PPFIBP1: variants seen among roughly 807,000 people sequenced by gnomAD.
The protein encoded by PPFIBP1 is PPFIB scaffold protein 1.
Under a neutral mutation model 137.8 loss-of-function variants are expected in PPFIBP1, and 112 were observed. That is an observed-to-expected ratio of 0.81 (90% CI 0.70 to 0.95). The LOEUF is 0.95. Ranked by LOEUF, PPFIBP1 falls within the 40% of genes least tolerant of loss-of-function variation. PPFIBP1 has a pLI of 0.00. For missense variants in PPFIBP1, 1,083 were observed against 1,196.6 expected (o/e 0.91, Z 1.40); for synonymous variants, 378 against 417.3 (o/e 0.91, Z 1.15).
Position 27,551,061 on chromosome 12 carries a change from G to A in PPFIBP1, c.-124+26696G>A, listed in dbSNP as rs531015877. On this transcript the variant is annotated intron_variant, in intron 1 of 29. Coordinates refer to ENST00000228425, the MANE Select transcript of PPFIBP1 (RefSeq NM_003622.4). ...ATTCCCATCTTCTAAAGAGAAAACTGAAACAAAGATTAGTTATGTGACCTT... is the reference window on the plus strand; with the variant it reads ...ATTCCCATCTTCTAAAGAGAAAACTAAAACAAAGATTAGTTATGTGACCTT... Among the ~76,000 whole-genome samples, 8 of 151,168 alleles carry A rather than the reference G, an allele frequency of 5.3e-5. No homozygotes were observed. In the South Asian group the frequency reaches 1.3e-3, roughly 24 times the overall value.
At chr12:27,649,766 G>T (rs1277338659) in intron 6 of PPFIBP1, among the ~76,000 whole-genome samples, 1 of 152,088 alleles carries the variant, frequency 6.6e-6, no homozygotes, top group East Asian at 1.9e-4. Flanking sequence ...GTCCAGGCTG[G>T]TTCTCAAATT....
In PPFIBP1 at chr12:27,570,606, A is replaced by G. The variant is rs1321803689; in HGVS notation, c.-123-7546A>G. Among the ~76,000 whole-genome samples, 3 of 152,194 alleles carry G rather than the reference A, an allele frequency of 2.0e-5. No homozygotes were observed. In the East Asian group the frequency reaches 5.8e-4, roughly 29 times the overall value. ...TGTCAACATGTTGTCATATGATAGC[A>G]TACCTCAGAGGGAGACACAAGACCC... On this transcript the variant is annotated intron_variant, in intron 1 of 29. Transcript: ENST00000228425.
rs2056001526 is a variant in PPFIBP1 at position 27,618,431 on chromosome 12, G to A, written c.-35-14931G>A. Reference sequence around the variant, plus strand: ...AAACATTGACAATCTATTCTCTGAAGCTTCCTACCTGGAGGCTTTATCTGC... The same window carrying A: ...AAACATTGACAATCTATTCTCTGAAACTTCCTACCTGGAGGCTTTATCTGC... On this transcript the variant is annotated intron_variant, in intron 2 of 29. Coordinates refer to ENST00000228425, the MANE Select transcript of PPFIBP1 (RefSeq NM_003622.4). Among the ~76,000 whole-genome samples the A allele has an allele frequency of 2.0e-5, 3 of 152,174 alleles. No individual in the cohort carries two copies. The South Asian group carries it at 6.2e-4, about 31-fold the overall frequency.
chr12:27,660,268 A>G (rs1026505021), intron 10 of PPFIBP1, among the ~76,000 whole-genome samples: 2 of 152,202 alleles, frequency 1.3e-5, no homozygotes, highest in Admixed American at 1.3e-4. Context: ...TGAATATCAA[A>G]TTTTAAGGAG....
At chr12:27,555,065 A>G (rs1014706601) in intron 1 of PPFIBP1, among the ~76,000 whole-genome samples, 1 of 152,108 alleles carries the variant, frequency 6.6e-6, no homozygotes, top group African/African-American at 2.4e-5. Flanking sequence ...TTGTTCGTTC[A>G]TGGAAGGCAG....
intron 1 of PPFIBP1, among the ~76,000 whole-genome samples, chr12:27,534,951 A>G (rs1043545141): frequency 2.0e-5 from 3 of 152,346 alleles, no homozygotes; most frequent in Non-Finnish European, 4.4e-5. Context: ...GAAGAATGCA[A>G]TGATTAAGAA....
chr12:27,527,721 G>A (rs771403247), intron 1 of PPFIBP1, among the ~76,000 whole-genome samples: 41 of 151,794 alleles, frequency 2.7e-4, no homozygotes, highest in African/African-American at 9.7e-4. Flanking sequence ...GCGTAATGAC[G>A]TTTTTATTTT....
rs72418237 is a variant in PPFIBP1, at chr12:27,674,811, A to ATTTTTTTTTTTTTTTTTTTTTTTTTT, written c.1410+611_1410+612insTTTTTTTTTTTTTTTTTTTTTTTTTT. ...ATGTGCTCAATTCTTCTTTCCCCTG[A>ATTTTTTTTTTTTTTTTTTTTTTTTTT]TTTTTTTTTTTTTTTTTTTTTGAAA... On this transcript the variant is annotated intron_variant, in intron 17 of 29. Transcript: ENST00000228425. Among the ~76,000 whole-genome samples the ATTTTTTTTTTTTTTTTTTTTTTTTTT allele has an allele frequency of 3.7e-5, 4 of 108,706 alleles. 1 individual carries two copies. The highest frequency in any genetic ancestry group is 3.5e-5 in the Non-Finnish European group (2 of 57,066). The allele number at this position is 108,706 out of a possible 152,430, so 71.3% of individuals were successfully genotyped here.
chr12:27,645,184 T>G (rs1443712821), intron 4 of PPFIBP1, among the ~76,000 whole-genome samples: 13 of 152,248 alleles, frequency 8.5e-5, no homozygotes, highest in Non-Finnish European at 1.9e-4. Flanking sequence ...TTCTATTGTA[T>G]TTGAATGAAG....
intron 2 of PPFIBP1, among the ~76,000 whole-genome samples, chr12:27,609,802 G>T (rs1319091019): frequency 2.6e-5 from 4 of 152,150 alleles, no homozygotes; most frequent in South Asian, 4.1e-4. Flanking sequence ...AACTAAAGGT[G>T]TTTAAACCCA....
chr12:27,653,848 G>T lies in PPFIBP1; in HGVS notation c.604-874G>T, dbSNP rs139445070. Among the ~76,000 whole-genome samples, 61 of 152,252 alleles carry T rather than the reference G, an allele frequency of 4.0e-4. No homozygotes were observed. In the East Asian group the frequency reaches 0.011, roughly 28 times the overall value. ...AGTAGAAAAGGTGCAGAATTGTGTT[G>T]TGTCATATAAACACTAGGATTGGTT... is the stretch of plus-strand genomic sequence containing the variant. On this transcript the variant is annotated intron_variant, in intron 7 of 29. Coordinates refer to ENST00000228425, the MANE Select transcript of PPFIBP1 (RefSeq NM_003622.4).
chr12:27,614,448 G>A (rs576903129), intron 2 of PPFIBP1, among the ~76,000 whole-genome samples: 4 of 152,126 alleles, frequency 2.6e-5, no homozygotes, highest in East Asian at 3.8e-4. Context: ...ACACATTGAG[G>A]CCTTCAGCAA....
intron 28 of PPFIBP1, among the ~76,000 whole-genome samples, chr12:27,692,345 C>T (rs2061599129): frequency 6.6e-6 from 1 of 152,178 alleles, no homozygotes; most frequent in South Asian, 2.1e-4. Flanking sequence ...GCATATTTCC[C>T]CTCTAATCAA....
At chr12:27,624,015 G>T (rs1468503723) in intron 2 of PPFIBP1, among the ~76,000 whole-genome samples, 1 of 152,118 alleles carries the variant, frequency 6.6e-6, no homozygotes, top group Non-Finnish European at 1.5e-5. Context: ...GTGGCGGTCA[G>T]GCTGGCCTTG....
At chr12:27,625,719 G>T (rs1363866652) in intron 2 of PPFIBP1, among the ~76,000 whole-genome samples, 1 of 151,876 alleles carries the variant, frequency 6.6e-6, no homozygotes, top group Non-Finnish European at 1.5e-5. Context: ...GAGTAGCTGG[G>T]ACTACAGGCA....
At position 27,688,432 on chromosome 12, in the gene PPFIBP1, C is replaced by A; in HGVS notation, c.2496+9C>A. 1 of 1,611,120 alleles carries A rather than the reference C, an allele frequency of 6.2e-7. No individual in the cohort carries two copies. Among genetic ancestry groups the A allele is most frequent in the Non-Finnish European group, 8.5e-7 (1 of 1,179,234 alleles). On this transcript the variant is annotated intron_variant, in intron 26 of 29. Coordinates refer to ENST00000228425, the MANE Select transcript of PPFIBP1 (RefSeq NM_003622.4). ...TCCATGGTGGGCTCATGGTAAAGCTCTGATTTAATTTAAAATTGACTTACT... is the reference window on the plus strand; with the variant it reads ...TCCATGGTGGGCTCATGGTAAAGCTATGATTTAATTTAAAATTGACTTACT...
intron 2 of PPFIBP1, among the ~76,000 whole-genome samples, chr12:27,593,122 A>AAT (rs3084430): frequency 0.27 from 31,896 of 117,126 alleles, 4,186 homozygotes; most frequent in Middle Eastern, 0.32. Flanking sequence ...ACGGAGAAAG[A>AAT]ATGTCTCAAA....
intron 2 of PPFIBP1, among the ~76,000 whole-genome samples, chr12:27,585,093 G>T (rs911521388): frequency 1.3e-5 from 2 of 152,170 alleles, no homozygotes; most frequent in Non-Finnish European, 2.9e-5. Context: ...TGACACAGAG[G>T]TTATGTATCA....
rs1483996020 is a variant in PPFIBP1, at chr12:27,634,812, T to C, written c.65-98T>C. The C allele has an allele frequency of 8.4e-6, 8 of 953,590 alleles. No homozygotes were observed. In the Admixed American group the frequency reaches 1.8e-4, roughly 21 times the overall value. 59.1% of individuals were successfully genotyped at this position (953,590 alleles called of 1,614,324 possible). A position where few individuals can be genotyped will look rare whatever the true frequency, so the allele number is the denominator to read the frequency against. On this transcript the variant is annotated intron_variant, in intron 3 of 29. Coordinates refer to ENST00000228425, the MANE Select transcript of PPFIBP1 (RefSeq NM_003622.4). ...TTCTCTTTTTTCTGTTTCTTTTGAT[T>C]GTTCCTTACTGTGACTAGACTGGTT...
Sources: gnomAD v4.1 joint callset for allele counts (sites outside exome capture counted in the v4.1 genomes callset) on GRCh38, gnomAD v4.1.1 for gene constraint, MANE v1.5 for transcripts, NCBI Gene and HGNC (gene_info 2026-07-23, HGNC 2026-07-21) for gene names.